GRM7: variants seen among roughly 807,000 people sequenced by gnomAD.
GRM7 encodes glutamate metabotropic receptor 7, also known as metabotropic glutamate receptor 7.
A neutral mutation model predicts 84.5 loss-of-function variants in GRM7; 35 were observed. The ratio of observed to expected loss-of-function variants is 0.41; its 90% confidence interval spans 0.32 to 0.55. The LOEUF is 0.55. Among genes scored for constraint, GRM7 ranks in the 20% least tolerant of loss-of-function variants. The pLI, the probability that GRM7 is intolerant of heterozygous loss-of-function variation, is 0.19. For missense variants in GRM7, 1,003 were observed against 1,194.6 expected, an observed-to-expected ratio of 0.84 and a Z score of 2.36; for synonymous variants, 487 against 455.1, an observed-to-expected ratio of 1.07 and a Z score of -0.89.
chr3:7,350,481 C>T (rs1693090202), intron 4 of GRM7, among the ~76,000 whole-genome samples: 1 of 152,094 alleles, frequency 6.6e-6, no homozygotes, highest in Non-Finnish European at 1.5e-5. Context: ...TCCCCTTTGC[C>T]TTCCTCCATG....
At position 7,578,951 on chromosome 3, in the gene GRM7, G is replaced by A. The variant is rs1222275762; in HGVS notation, c.2045G>A (p.Arg682His). 3.7e-6 allele frequency: 6 copies of A among 1,614,034 alleles called. No individual in the cohort carries two copies. The highest frequency in any genetic ancestry group is 5.1e-6 in the Non-Finnish European group (6 of 1,179,998). Reference sequence around the variant, plus strand: ...TTGACGAAAACAAATCGGATTTATCGCATATTTGAGCAGGGCAAGAAATCA... The same window carrying A: ...TTGACGAAAACAAATCGGATTTATCACATATTTGAGCAGGGCAAGAAATCA... Reference protein sequence around the residue: ...ALLTKTNRIYRIFEQGKKSVT... With the variant: ...ALLTKTNRIYHIFEQGKKSVT... Residue 682 changes from arginine to histidine, a missense_variant, in exon 8 of 10, where the codon CGC becomes CAC. Arg to His is a conservative substitution (Grantham distance 29). Transcript: ENST00000357716.
intron 1 of GRM7, among the ~76,000 whole-genome samples, chr3:7,048,157 T>G (rs1696868262): frequency 6.6e-6 from 1 of 151,966 alleles, no homozygotes; most frequent in South Asian, 2.1e-4. Flanking sequence ...CTGACATACA[T>G]TGGCAAGCAT....
At chr3:7,237,294 C>T (rs1362487629) in intron 2 of GRM7, among the ~76,000 whole-genome samples, 1 of 152,144 alleles carries the variant, frequency 6.6e-6, no homozygotes, top group Non-Finnish European at 1.5e-5. Flanking sequence ...TTAAGCAGTC[C>T]TTCTATTAGG....
chr3:7,420,905 C>A (rs1696366193), intron 5 of GRM7, among the ~76,000 whole-genome samples: 1 of 152,110 alleles, frequency 6.6e-6, no homozygotes, highest in South Asian at 2.1e-4. Context: ...ATATAGGATT[C>A]TTCAAGTTAA....
intron 8 of GRM7, among the ~76,000 whole-genome samples, chr3:7,598,264 T>A (rs1381555796): frequency 1.3e-5 from 2 of 152,214 alleles, no homozygotes; most frequent in Non-Finnish European, 2.9e-5. Flanking sequence ...TTCTCTATCC[T>A]CTAGCTGTGC....
At chr3:7,207,942 T>C (rs1486478179) in intron 2 of GRM7, among the ~76,000 whole-genome samples, 1 of 152,194 alleles carries the variant, frequency 6.6e-6, no homozygotes, top group Non-Finnish European at 1.5e-5. Context: ...TCTTTTTAAA[T>C]GAAATGTCGG....
At chr3:7,284,623 T>A (rs975003301) in intron 2 of GRM7, among the ~76,000 whole-genome samples, 1 of 152,152 alleles carries the variant, frequency 6.6e-6, no homozygotes, top group East Asian at 1.9e-4. Context: ...TTGTTATATT[T>A]TGTTTATCAT....
chr3:7,434,018 A>AT (rs34827294), intron 5 of GRM7, among the ~76,000 whole-genome samples: 110,355 of 151,948 alleles, frequency 0.73, 40,332 homozygotes, highest in African/African-American at 0.78. Flanking sequence ...TTGTTTTCTT[A>AT]TTTCATTATA....
intron 1 of GRM7, among the ~76,000 whole-genome samples, chr3:6,877,586 C>G (rs2124955137): frequency 6.6e-6 from 1 of 152,202 alleles, no homozygotes; most frequent in East Asian, 1.9e-4. Flanking sequence ...CACCTAGTAA[C>G]CATATCACTG....
intron 8 of GRM7, among the ~76,000 whole-genome samples, chr3:7,648,418 G>C (rs374681812): frequency 6.6e-6 from 1 of 151,878 alleles, no homozygotes; most frequent in South Asian, 2.1e-4. Flanking sequence ...AGGCTGAGGC[G>C]GGCGGATCAC....
chr3:7,106,719 C>T (rs1692660266), intron 1 of GRM7, among the ~76,000 whole-genome samples: 1 of 152,008 alleles, frequency 6.6e-6, no homozygotes, highest in Admixed American at 6.6e-5. Flanking sequence ...CTGCATTTGT[C>T]ACTACTGCTT....
intron 8 of GRM7, among the ~76,000 whole-genome samples, chr3:7,670,186 AAGGC>A (rs1553634791): frequency 6.6e-6 from 1 of 152,182 alleles, no homozygotes; most frequent in Non-Finnish European, 1.5e-5. Context: ...TGATCATGGA[AAGGC>A]AGGAAAACAA....
chr3:6,923,326 GAAA>G (rs34360084), intron 1 of GRM7, among the ~76,000 whole-genome samples: 42 of 150,816 alleles, frequency 2.8e-4, no homozygotes, highest in Middle Eastern at 6.4e-3. Flanking sequence ...ACACGAACAT[GAAA>G]AAAAAAAGCT....
intron 4 of GRM7, among the ~76,000 whole-genome samples, chr3:7,324,589 T>C (rs928348632): frequency 6.6e-6 from 1 of 152,194 alleles, no homozygotes; most frequent in African/African-American, 2.4e-5. Flanking sequence ...AGTTCGTCTC[T>C]GTGTTTTCCT....
intron 8 of GRM7, among the ~76,000 whole-genome samples, chr3:7,637,886 G>A (rs550053375): frequency 6.6e-6 from 1 of 152,344 alleles, no homozygotes; most frequent in East Asian, 1.9e-4. Flanking sequence ...ACAGGCGGCA[G>A]TCACAGAATC....
At chr3:7,278,266 T>A (rs1699141042) in intron 2 of GRM7, among the ~76,000 whole-genome samples, 1 of 152,050 alleles carries the variant, frequency 6.6e-6, no homozygotes, top group African/African-American at 2.4e-5. Flanking sequence ...GTCCTAAGTT[T>A]TATTTTGTCC....
chr3:7,340,269 A>T (rs1701587981), intron 4 of GRM7, among the ~76,000 whole-genome samples: 1 of 152,144 alleles, frequency 6.6e-6, no homozygotes. Context: ...CACTGCTATT[A>T]AGAACTGCTC....
In GRM7 at chr3:7,188,656, CAT is replaced by C. The variant is rs527337160; in HGVS notation, c.736+41990_736+41991del. Among the ~76,000 whole-genome samples the C allele has an allele frequency of 1.5e-3, 223 of 152,272 alleles. 1 individual carries two copies. Among genetic ancestry groups the C allele is most frequent in the Non-Finnish European group, 2.2e-3 (152 of 68,006 alleles). ...AAGGGTTGGGGAGACAGTGGTGACACATAGATCTCTCAGTTTCAACAGTGTAG... is the reference window on the plus strand; with the variant it reads ...AAGGGTTGGGGAGACAGTGGTGACACAGATCTCTCAGTTTCAACAGTGTAG... On this transcript the variant is annotated intron_variant, in intron 2 of 9. Coordinates refer to ENST00000357716, the MANE Select transcript of GRM7 (RefSeq NM_000844.4). This position sits in a 1 kb window ranked among gnomAD's most constrained non-coding sequence, Gnocchi z 4.2.
chr3:7,375,471 G>A (rs988143010), intron 4 of GRM7, among the ~76,000 whole-genome samples: 9 of 152,046 alleles, frequency 5.9e-5, no homozygotes, highest in Admixed American at 5.2e-4. Context: ...ACCCACATCA[G>A]CCTCCCAAAG....
Sources: gnomAD v4.1 joint callset for allele counts (sites outside exome capture counted in the v4.1 genomes callset) on GRCh38, gnomAD v4.1.1 for gene constraint, Gnocchi (gnomAD v3.1) non-coding constraint, MANE v1.5 for transcripts, NCBI Gene and HGNC (gene_info 2026-07-23, HGNC 2026-07-21) for gene names.